Variants in ATP2B2 observed in about 807,000 individuals in gnomAD.
The protein encoded by ATP2B2 is ATPase plasma membrane Ca2+ transporting 2.
In ATP2B2, 15 loss-of-function variants were observed where a neutral mutation model predicts 120.0. That is an observed-to-expected ratio of 0.12 (90% CI 0.08 to 0.19). The LOEUF is 0.19. Ranked by LOEUF, ATP2B2 falls within the 10% of genes least tolerant of loss-of-function variation. ATP2B2 has a pLI of 1.00. For synonymous variants in ATP2B2, 694 were observed against 700.3 expected (o/e 0.99, Z 0.14); for missense variants, 1,045 against 1,719.8 (o/e 0.61, Z 6.94).
At chr3:10,615,166 G>A (rs1456637044) in intron 2 of ATP2B2, among the ~76,000 whole-genome samples, 3 of 152,122 alleles carry the variant, frequency 2.0e-5, no homozygotes, top group Non-Finnish European at 2.9e-5. Context: ...TTAGCCTCAG[G>A]ACATCAGGAA....
At chr3:10,360,605 G>A (rs1277907564) in intron 12 of ATP2B2, among the ~76,000 whole-genome samples, 2 of 152,124 alleles carry the variant, frequency 1.3e-5, no homozygotes, top group East Asian at 1.9e-4. Context: ...TGTTAATTCC[G>A]AGATAATTGT....
At chr3:10,399,458 C>G (rs986557684) in intron 5 of ATP2B2, among the ~76,000 whole-genome samples, 12 of 152,340 alleles carry the variant, frequency 7.9e-5, no homozygotes, top group South Asian at 2.1e-4. Context: ...CTGCAGGTCT[C>G]TATACCTCAC....
chr3:10,394,174 G>A (rs942740528), intron 5 of ATP2B2, among the ~76,000 whole-genome samples: 7 of 152,084 alleles, frequency 4.6e-5, no homozygotes, highest in Admixed American at 3.3e-4. Flanking sequence ...TTCCTTCAGT[G>A]GGGAGAGGCT....
rs1229390426 is a variant in ATP2B2 at position 10,355,935 on chromosome 3, C to T, written c.2136+2756G>A. 4.9e-4 allele frequency among the ~76,000 whole-genome samples: 38 copies of T among 77,338 alleles called. 17 individuals carry two copies. The East Asian group carries it at 0.087, about 177-fold the overall frequency. The allele number at this position is 77,338 out of a possible 152,430, so 50.7% of individuals were successfully genotyped here. On this transcript the variant is annotated intron_variant, in intron 14 of 22. Transcript: ENST00000360273. ...AAAAAAATACAAAAAATTAGCCGGG[C>T]GTGGTAGCGGGCGCCTGTAGTCCCA...
chr3:10,500,675 C>T (rs1195003110), intron 1 of ATP2B2, among the ~76,000 whole-genome samples: 1 of 152,152 alleles, frequency 6.6e-6, no homozygotes, highest in Admixed American at 6.5e-5. Flanking sequence ...GGGACAGGCT[C>T]TTCCTCAGCC....
chr3:10,596,048 A>G (rs1240846635), intron 2 of ATP2B2, among the ~76,000 whole-genome samples: 1 of 152,076 alleles, frequency 6.6e-6, no homozygotes, highest in East Asian at 1.9e-4. Context: ...CTTGTCACTC[A>G]GCTCTCAGCT....
chr3:10,540,479 T>C (rs2067411055), intron 2 of ATP2B2, among the ~76,000 whole-genome samples: 1 of 152,106 alleles, frequency 6.6e-6, no homozygotes, highest in African/African-American at 2.4e-5. Flanking sequence ...CAAATGTCCA[T>C]CAATGATAGA....
Position 10,680,450 on chromosome 3 carries a change from C to T in ATP2B2, c.-460+27465G>A, listed in dbSNP as rs572468411. On this transcript the variant is annotated intron_variant, in intron 1 of 21. Coordinates refer to the ATP2B2 transcript ENST00000646379. ...AATTCCCCTCATTCCTTACAGGGAT[C>T]GGGCCAGACTTTGCTGGGATGTGTG... is the stretch of plus-strand genomic sequence containing the variant. 1.9e-3 allele frequency among the ~76,000 whole-genome samples: 292 copies of T among 152,218 alleles called. 6 individuals carry two copies. Among genetic ancestry groups the T allele is most frequent in the Non-Finnish European group, 6.5e-4 (44 of 68,004 alleles).
intron 1 of ATP2B2, among the ~76,000 whole-genome samples, chr3:10,457,081 C>G (rs531789895): frequency 6.6e-6 from 1 of 152,094 alleles, no homozygotes; most frequent in Admixed American, 6.6e-5. Context: ...GCAGGCATGC[C>G]AATGTGAGTG....
intron 3 of ATP2B2, among the ~76,000 whole-genome samples, chr3:10,511,727 G>A (rs1414489634): frequency 6.6e-6 from 1 of 152,190 alleles, no homozygotes; most frequent in Non-Finnish European, 1.5e-5. Context: ...AGGAAGGAGA[G>A]CCCCTATTCC....
Position 10,377,995 on chromosome 3 carries a change from C to T in ATP2B2, c.1201+257G>A, listed in dbSNP as rs561061816. ...TTTCCCAAGTTCTCACAGCCATTGC[C>T]GGACAAGAAGGCAGGCCGTCTGCTA... On this transcript the variant is annotated intron_variant, in intron 10 of 22. Transcript: ENST00000360273. 1.1e-4 allele frequency among the ~76,000 whole-genome samples: 16 copies of T among 152,338 alleles called. No homozygotes were observed. The East Asian group carries it at 2.3e-3, about 22-fold the overall frequency.
At chr3:10,427,202 A>T (rs890113645) in intron 2 of ATP2B2, among the ~76,000 whole-genome samples, 7 of 152,196 alleles carry the variant, frequency 4.6e-5, no homozygotes, top group African/African-American at 1.7e-4. Flanking sequence ...GGGATCCACA[A>T]GGTAAGCTCC....
intron 1 of ATP2B2, among the ~76,000 whole-genome samples, chr3:10,491,894 G>A (rs143865418): frequency 1.3e-4 from 20 of 152,246 alleles, no homozygotes; most frequent in Non-Finnish European, 1.9e-4. Flanking sequence ...AAACTATGAC[G>A]TGCTGTCAAC....
chr3:10,706,326 G>T (rs1293513604), intron 1 of ATP2B2, among the ~76,000 whole-genome samples: 4 of 152,216 alleles, frequency 2.6e-5, no homozygotes, highest in Non-Finnish European at 5.9e-5. Flanking sequence ...TGAAGATGAT[G>T]CTGTTCCCAC....
At chr3:10,417,066 C>CG (rs201363749) in intron 2 of ATP2B2, among the ~76,000 whole-genome samples, 45 of 38,090 alleles carry the variant, frequency 1.2e-3, no homozygotes, top group African/African-American at 9.6e-3. Context: ...TCCCAGACGG[C>CG]GGCGGGGGGG....
At position 10,394,641 on chromosome 3, in the gene ATP2B2, C is replaced by T. The variant is rs527957639; in HGVS notation, c.782-6239G>A. 9.4e-5 allele frequency: 40 copies of T among 426,368 alleles called. No homozygotes were observed. In the East Asian group the frequency reaches 2.2e-3, roughly 24 times the overall value. The allele number at this position is 426,368 out of a possible 1,614,324, so 26.4% of individuals were successfully genotyped here. A position where few individuals can be genotyped will look rare whatever the true frequency, so the allele number is the denominator to read the frequency against. Reference sequence around the variant, plus strand: ...GAGACGGTGGCAGTGGTGGCAGGTCCGGCTCTCCCATGCCTGGCCTTCTGC... The same window carrying T: ...GAGACGGTGGCAGTGGTGGCAGGTCTGGCTCTCCCATGCCTGGCCTTCTGC... On this transcript the variant is annotated intron_variant, in intron 5 of 22. Coordinates refer to ENST00000360273, the MANE Select transcript of ATP2B2 (RefSeq NM_001001331.4).
intron 1 of ATP2B2, among the ~76,000 whole-genome samples, chr3:10,478,368 A>C (rs1219048099): frequency 6.6e-6 from 1 of 152,046 alleles, no homozygotes; most frequent in Non-Finnish European, 1.5e-5. Context: ...AAAGTTTTTA[A>C]CTTTGATGAA....
At chr3:10,593,394 C>G (rs112189978) in intron 2 of ATP2B2, among the ~76,000 whole-genome samples, 39 of 152,266 alleles carry the variant, frequency 2.6e-4, no homozygotes, top group South Asian at 6.2e-4. Flanking sequence ...AGTCCATGCT[C>G]TCATTACCAA....
intron 2 of ATP2B2, among the ~76,000 whole-genome samples, chr3:10,595,014 T>C (rs2125583311): frequency 6.6e-6 from 1 of 152,306 alleles, no homozygotes; most frequent in East Asian, 1.9e-4. Flanking sequence ...ACCAATGCAA[T>C]CGGAGACAGA....
Sources: gnomAD v4.1 joint callset for allele counts (sites outside exome capture counted in the v4.1 genomes callset) on GRCh38, gnomAD v4.1.1 for gene constraint, MANE v1.5 for transcripts, NCBI Gene and HGNC (gene_info 2026-07-23, HGNC 2026-07-21) for gene names.